The following UPP2 variants were observed in gnomAD, a reference collection of about 807,000 sequenced individuals.
UPP2 encodes the protein UPase 2.
Under a neutral mutation model 26.7 loss-of-function variants are expected in UPP2, and 23 were observed. The observed-to-expected ratio is 0.86, with a 90% CI of 0.62 to 1.22. The LOEUF (loss-of-function observed/expected upper bound fraction) is 1.22. Among genes scored for constraint, UPP2 ranks in the 50% most tolerant of loss-of-function variants. The pLI, the probability that UPP2 is intolerant of heterozygous loss-of-function variation, is 0.00. For missense variants in UPP2, 387 were observed against 396.7 expected (o/e 0.98, Z 0.21); for synonymous variants, 127 against 141.3 (o/e 0.90, Z 0.72).
chr2:158,126,100 T>C (rs188427326), intron 6 of UPP2, among the ~76,000 whole-genome samples: 385 of 152,326 alleles, frequency 2.5e-3, no homozygotes, highest in Middle Eastern at 0.01. Context: ...CCCTGGACTC[T>C]GAGTCTTTCT....
intron 2 of UPP2, among the ~76,000 whole-genome samples, chr2:158,009,820 C>T (rs1177532382): frequency 1.3e-5 from 2 of 152,216 alleles, no homozygotes; most frequent in Non-Finnish European, 2.9e-5. Context: ...GGTCATCTTG[C>T]CCCAGCAAAT....
At chr2:158,050,405 G>A (rs1249921180) in intron 3 of UPP2, among the ~76,000 whole-genome samples, 5 of 151,112 alleles carry the variant, frequency 3.3e-5, no homozygotes, top group African/African-American at 1.2e-4. Flanking sequence ...TTTTTTAAAT[G>A]TACTAGTCTA....
At chr2:158,022,785 T>A (rs1481485492) in intron 3 of UPP2, among the ~76,000 whole-genome samples, 1 of 152,220 alleles carries the variant, frequency 6.6e-6, no homozygotes, top group Admixed American at 6.5e-5. Flanking sequence ...ATCTTCTTAA[T>A]TCCTTATTTA....
intron 3 of UPP2, among the ~76,000 whole-genome samples, chr2:158,117,586 T>G (rs1053489824): frequency 2.6e-5 from 4 of 152,016 alleles, no homozygotes; most frequent in African/African-American, 9.7e-5. Context: ...TGATGAGGGC[T>G]GAAGTCAACA....
chr2:158,060,979 G>A (rs1338845463), intron 3 of UPP2, among the ~76,000 whole-genome samples: 1 of 152,216 alleles, frequency 6.6e-6, no homozygotes, highest in East Asian at 1.9e-4. Flanking sequence ...TAGTTTGAGT[G>A]ATAGCATGTC....
chr2:158,066,124 T>C (rs1682430428), intron 3 of UPP2: 4 of 224,490 alleles, frequency 1.8e-5, no homozygotes, highest in Non-Finnish European at 1.8e-5. Context: ...AGGACCTGAT[T>C]TGTTATACTT....
chr2:158,015,768 CTCTG>C, intron 2 of UPP2: 1 of 453,210 alleles, frequency 2.2e-6, no homozygotes, highest in Non-Finnish European at 4.4e-6. Context: ...CCCCTTTGCT[CTCTG>C]TCTCTCTCTC....
At chr2:158,124,213 A>G (rs1683640518) in intron 6 of UPP2, among the ~76,000 whole-genome samples, 1 of 152,212 alleles carries the variant, frequency 6.6e-6, no homozygotes, top group Non-Finnish European at 1.5e-5. Flanking sequence ...GAGACAAGAT[A>G]CAAACAAAAT....
At chr2:158,071,217 A>T (rs11691557) in intron 3 of UPP2, among the ~76,000 whole-genome samples, 73,429 of 151,530 alleles carry the variant, frequency 0.48, 18,876 homozygotes, top group African/African-American at 0.6. Context: ...AGGGAGTGCA[A>T]GCATCATCCC....
At chr2:158,128,861 TG>T (rs1683747771) in intron 6 of UPP2, among the ~76,000 whole-genome samples, 1 of 151,210 alleles carries the variant, frequency 6.6e-6, no homozygotes, top group African/African-American at 2.5e-5. Context: ...GACTTAGTGA[TG>T]GGATCAAATA....
intron 3 of UPP2, among the ~76,000 whole-genome samples, chr2:158,023,249 G>T (rs1683784256): frequency 1.3e-5 from 2 of 149,928 alleles, no homozygotes; most frequent in Non-Finnish European, 1.5e-5. Context: ...GCATTTGGAA[G>T]GCTTTCAGTC....
At chr2:158,039,926 T>TA (rs1355469265) in intron 3 of UPP2, among the ~76,000 whole-genome samples, 1 of 152,176 alleles carries the variant, frequency 6.6e-6, no homozygotes, top group Non-Finnish European at 1.5e-5. Flanking sequence ...ATCTGGAACT[T>TA]AGTGTTAAGC....
At chr2:158,131,372 T>C (rs1258862346) in intron 6 of UPP2, among the ~76,000 whole-genome samples, 1 of 151,934 alleles carries the variant, frequency 6.6e-6, no homozygotes, top group Non-Finnish European at 1.5e-5. Context: ...AGAGGTGGGG[T>C]TAAAGTGGTG....
At chr2:157,997,322 A>C (rs1683337160) in intron 2 of UPP2, among the ~76,000 whole-genome samples, 1 of 152,068 alleles carries the variant, frequency 6.6e-6, no homozygotes, top group Admixed American at 6.5e-5. Context: ...CTTTATTATA[A>C]GTTTACCATT....
chr2:158,010,560 A>C (rs556110905), intron 2 of UPP2, among the ~76,000 whole-genome samples: 1 of 152,290 alleles, frequency 6.6e-6, no homozygotes, highest in Non-Finnish European at 1.5e-5. Flanking sequence ...CTTTCCTAGT[A>C]GGCTGAATCA....
intron 3 of UPP2, among the ~76,000 whole-genome samples, chr2:158,050,008 T>C (rs1180595154): frequency 6.6e-6 from 1 of 152,252 alleles, no homozygotes; most frequent in Non-Finnish European, 1.5e-5. Context: ...ACTGTGGTGA[T>C]TCATTTTTTA....
chr2:158,048,201 G>C (rs1026674998), intron 3 of UPP2, among the ~76,000 whole-genome samples: 1 of 152,212 alleles, frequency 6.6e-6, no homozygotes, highest in African/African-American at 2.4e-5. Flanking sequence ...TGTGTGGCTG[G>C]AAGGAACACT....
chr2:158,119,290 A>G (rs1423476270), intron 4 of UPP2, among the ~76,000 whole-genome samples: 3 of 152,056 alleles, frequency 2.0e-5, no homozygotes, highest in African/African-American at 7.2e-5. Flanking sequence ...ATTTTATTTC[A>G]TGGCAACACG....
chr2:158,073,551 C>T (rs1464724908), intron 3 of UPP2, among the ~76,000 whole-genome samples: 2 of 152,086 alleles, frequency 1.3e-5, no homozygotes, highest in Non-Finnish European at 2.9e-5. Flanking sequence ...AATAATCAAA[C>T]TCCCAAAGAT....
Sources: gnomAD v4.1 joint callset for allele counts (sites outside exome capture counted in the v4.1 genomes callset) on GRCh38, gnomAD v4.1.1 for gene constraint, MANE v1.5 for transcripts, NCBI Gene and HGNC (gene_info 2026-07-23, HGNC 2026-07-21) for gene names.